Variants in HPSE2 observed in about 807,000 individuals in gnomAD.
HPSE2 encodes heparanase 2 (inactive).
Under a neutral mutation model 60.5 loss-of-function variants are expected in HPSE2, and 38 were observed. The ratio of observed to expected loss-of-function variants is 0.63; its 90% confidence interval spans 0.48 to 0.82. HPSE2 has a LOEUF of 0.82. Among genes scored for constraint, HPSE2 ranks in the 40% least tolerant of loss-of-function variants. The probability of loss-of-function intolerance (pLI) is 0.00; values close to 1 mark genes in which losing one functional copy is unlikely to be tolerated. For synonymous variants in HPSE2, 295 were observed against 293.2 expected (o/e 1.01, Z -0.06); for missense variants, 713 against 740.4 (o/e 0.96, Z 0.43).
rs147269370 is a variant in HPSE2, at chr10:98,948,202, C to T, written c.610+196036G>A. On this transcript the variant is annotated intron_variant, in intron 3 of 11. Coordinates refer to ENST00000370552, the MANE Select transcript of HPSE2 (RefSeq NM_021828.5). ...AGCCATAGTCCAAAACAATAAATTC[C>T]TGCTGGAGAAGACTGTGCCCAGATT... 5.9e-5 allele frequency among the ~76,000 whole-genome samples: 9 copies of T among 152,214 alleles called. No individual in the cohort carries two copies. In the East Asian group the frequency reaches 1.5e-3, roughly 26 times the overall value.
chr10:98,596,082 G>A lies in HPSE2; in HGVS notation c.1320+18822C>T, dbSNP rs916157137. Among the ~76,000 whole-genome samples the A allele has an allele frequency of 3.9e-5, 6 of 152,012 alleles. 1 individual carries two copies. The East Asian group carries it at 7.7e-4, about 20-fold the overall frequency. On this transcript the variant is annotated intron_variant, in intron 9 of 11. Transcript: ENST00000370552. ...GATCATGATAAATAATCCTTTTAAC[G>A]TGCTGTTGAATTTGGTTTGCCAGTA...
chr10:98,540,323 C>G (rs1336126636), intron 9 of HPSE2, among the ~76,000 whole-genome samples: 1 of 152,164 alleles, frequency 6.6e-6, no homozygotes, highest in Admixed American at 6.5e-5. Context: ...GCATGAAAAT[C>G]TACATTTGTG....
At chr10:98,999,157 G>A (rs1018110040) in intron 3 of HPSE2, among the ~76,000 whole-genome samples, 4 of 51,158 alleles carry the variant, frequency 7.8e-5, no homozygotes, top group Admixed American at 1.9e-4. Flanking sequence ...TATAGACTAC[G>A]TGTGTGTGTG....
intron 3 of HPSE2, among the ~76,000 whole-genome samples, chr10:98,809,458 T>G (rs1283595470): frequency 3.9e-5 from 6 of 152,128 alleles, no homozygotes; most frequent in Non-Finnish European, 8.8e-5. Context: ...TTAAGTGAGA[T>G]AGCAACTTGA....
intron 2 of HPSE2, among the ~76,000 whole-genome samples, chr10:99,207,219 A>G (rs572192018): frequency 2.6e-5 from 4 of 152,294 alleles, no homozygotes; most frequent in Middle Eastern, 3.4e-3. Flanking sequence ...CTCAGCAGAA[A>G]CTTTATAGGC....
chr10:98,753,284 C>T (rs966539892), intron 3 of HPSE2, among the ~76,000 whole-genome samples: 2 of 152,080 alleles, frequency 1.3e-5, no homozygotes, highest in African/African-American at 2.4e-5. Context: ...GAAATTGGAA[C>T]GCTTTGCATT....
chr10:99,273,187 T>A, the HPSE2 span, among the ~76,000 whole-genome samples: 4 of 152,204 alleles, frequency 2.6e-5, no homozygotes, highest in Admixed American at 2.0e-4. Context: ...AAACTTTGTA[T>A]GTTCTCAGTC....
At chr10:98,587,080 ATATTAT>A (rs747493930) in intron 9 of HPSE2, among the ~76,000 whole-genome samples, 1 of 152,320 alleles carries the variant, frequency 6.6e-6, no homozygotes, top group East Asian at 1.9e-4. Flanking sequence ...ACCATAGCTT[ATATTAT>A]TATTATCTTT....
At chr10:98,605,754 A>G (rs1026851632) in intron 9 of HPSE2, among the ~76,000 whole-genome samples, 1 of 152,186 alleles carries the variant, frequency 6.6e-6, no homozygotes, top group African/African-American at 2.4e-5. Flanking sequence ...GCTTGAGCTA[A>G]ACTTTGCTGA....
chr10:98,565,888 T>G (rs552644), intron 9 of HPSE2, among the ~76,000 whole-genome samples: 129,205 of 152,048 alleles, frequency 0.85, 56,161 homozygotes, highest in East Asian at 1. Context: ...TGCCGATGAA[T>G]AAATGGGTCA....
upstream of HPSE2, among the ~76,000 whole-genome samples, chr10:99,239,018 G>A (rs549492191): frequency 1.3e-5 from 2 of 152,110 alleles, no homozygotes; most frequent in Admixed American, 1.3e-4. Context: ...AATTAGCTGG[G>A]CATGGTGGTG....
At chr10:98,633,730 T>C (rs1946424876) in intron 7 of HPSE2, among the ~76,000 whole-genome samples, 1 of 152,160 alleles carries the variant, frequency 6.6e-6, no homozygotes, top group African/African-American at 2.4e-5. Context: ...TTTTCGACTA[T>C]GCAAGGGAGT....
rs760201552 is a variant in HPSE2 at position 98,641,931 on chromosome 10, A to C, written c.1014T>G (p.Ile338Met). Reference sequence around the variant, plus strand: ...CCATCACCTTGACCACCCGGCCATCAATGTAGCAACTGGAATAAAAATAAA... The same window carrying C: ...CCATCACCTTGACCACCCGGCCATCCATGTAGCAACTGGAATAAAAATAAA... ...VDAVTWQHCY[I>M]DGRVVKVMDF... is the part of the protein sequence containing the mutation. The change falls in exon 7 of 12, where the codon ATT becomes ATG. Residue 338 changes from isoleucine to methionine, a missense_variant. Coordinates refer to ENST00000370552, the MANE Select transcript of HPSE2 (RefSeq NM_021828.5). 15 of 1,612,858 alleles carry C rather than the reference A, an allele frequency of 9.3e-6. No homozygotes were observed. In the East Asian group the frequency reaches 3.1e-4, roughly 34 times the overall value.
intron 7 of HPSE2, among the ~76,000 whole-genome samples, chr10:98,635,901 T>G (rs1487913977): frequency 6.6e-6 from 1 of 151,886 alleles, no homozygotes; most frequent in East Asian, 1.9e-4. Context: ...CTGGAGGACA[T>G]TTGTTTAGGT....
chr10:99,209,505 T>C (rs901378940), intron 2 of HPSE2, among the ~76,000 whole-genome samples: 2 of 151,992 alleles, frequency 1.3e-5, no homozygotes, highest in East Asian at 1.9e-4. Flanking sequence ...TGCAAGTTTA[T>C]AGCAATAAAT....
intron 6 of HPSE2, among the ~76,000 whole-genome samples, chr10:98,656,755 T>TG (rs1171688650): frequency 6.6e-6 from 1 of 151,380 alleles, no homozygotes; most frequent in African/African-American, 2.4e-5. Flanking sequence ...TAGAATCAGC[T>TG]GATAGGTTTT....
At chr10:98,603,587 G>A (rs1486778754) in intron 9 of HPSE2, among the ~76,000 whole-genome samples, 2 of 151,814 alleles carry the variant, frequency 1.3e-5, no homozygotes, top group Admixed American at 1.3e-4. Context: ...ACACCACCAT[G>A]CCAGGCTAAT....
chr10:99,046,115 TA>T (rs1487068579), intron 3 of HPSE2, among the ~76,000 whole-genome samples: 1 of 152,024 alleles, frequency 6.6e-6, no homozygotes, highest in Non-Finnish European at 1.5e-5. Context: ...AGCAGCACAT[TA>T]AAAAGTCAAT....
intron 3 of HPSE2, among the ~76,000 whole-genome samples, chr10:98,929,919 G>C (rs1178989789): frequency 7.0e-6 from 1 of 143,456 alleles, no homozygotes; most frequent in African/African-American, 2.8e-5. Context: ...TAAAATTTCA[G>C]TGCCCATAAA....
Sources: allele counts gnomAD v4.1 joint callset (sites outside exome capture counted in the v4.1 genomes callset), GRCh38; gene constraint gnomAD v4.1.1; transcripts MANE v1.5; gene names NCBI Gene and HGNC (gene_info 2026-07-23, HGNC 2026-07-21).